The following KIRREL1 variants were observed in gnomAD, a reference collection of about 807,000 sequenced individuals.
KIRREL1 encodes kin of IRRE-like protein 1.
Under a neutral mutation model 83.3 loss-of-function variants are expected in KIRREL1, and 25 were observed. The observed-to-expected ratio is 0.30, with a 90% CI of 0.22 to 0.42. KIRREL1 has a LOEUF of 0.42. Ranked by LOEUF, KIRREL1 falls within the 10% of genes least tolerant of loss-of-function variation. KIRREL1 has a pLI of 1.00. For synonymous variants in KIRREL1, 388 were observed against 410.4 expected (o/e 0.95, Z 0.66); for missense variants, 812 against 1,032.3 (o/e 0.79, Z 2.92).
At chr1:158,077,228 T>C (rs369112070) in intron 2 of KIRREL1, among the ~76,000 whole-genome samples, 12 of 152,300 alleles carry the variant, frequency 7.9e-5, no homozygotes, top group South Asian at 2.1e-4. Flanking sequence ...TTCGTCTGTG[T>C]AGAGCAATCC....
chr1:158,037,938 G>C (rs150461075), intron 1 of KIRREL1, among the ~76,000 whole-genome samples: 1 of 152,170 alleles, frequency 6.6e-6, no homozygotes, highest in Non-Finnish European at 1.5e-5. Context: ...GACTTCCTGC[G>C]ACTCATAACT....
At chr1:158,034,784 G>T in intron 1 of KIRREL1, among the ~76,000 whole-genome samples, 1 of 152,206 alleles carries the variant, frequency 6.6e-6, no homozygotes, top group East Asian at 1.9e-4. Context: ...AGACCCTGGT[G>T]ATCCACAACT....
chr1:158,060,738 T>A (rs78740876), intron 1 of KIRREL1, among the ~76,000 whole-genome samples: 6,076 of 152,166 alleles, frequency 0.04, 405 homozygotes, highest in African/African-American at 0.14. Context: ...GTAGGAAGAG[T>A]CATTTCCATG....
intron 3 of KIRREL1, among the ~76,000 whole-genome samples, chr1:158,084,123 C>T (rs1339484556): frequency 2.0e-5 from 3 of 152,070 alleles, no homozygotes; most frequent in African/African-American, 7.3e-5. Flanking sequence ...GAGTGACACT[C>T]CATCTCAAAA....
At chr1:158,000,571 C>A (rs1026637229) in intron 1 of KIRREL1, among the ~76,000 whole-genome samples, 1 of 152,196 alleles carries the variant, frequency 6.6e-6, no homozygotes, top group Non-Finnish European at 1.5e-5. Flanking sequence ...CTTGGAGCAT[C>A]CAGGATAAAA....
At chr1:158,086,846 C>G in intron 5 of KIRREL1, 100 bp downstream of exon 5, 1 of 1,122,934 alleles carries the variant, frequency 8.9e-7, no homozygotes, top group Non-Finnish European at 1.3e-6. Flanking sequence ...TAAGAGTCCC[C>G]CTATGGTCCC....
intron 3 of KIRREL1, among the ~76,000 whole-genome samples, chr1:158,080,015 T>C (rs1661802502): frequency 6.6e-6 from 1 of 152,174 alleles, no homozygotes; most frequent in African/African-American, 2.4e-5. Context: ...ATGGAAAGAA[T>C]TAGCAAGGAG....
At position 158,078,017 on chromosome 1, in the gene KIRREL1, T is replaced by C; in HGVS notation, c.229T>C (p.Ser77Pro). The C allele has an allele frequency of 6.2e-7, 1 of 1,614,164 alleles. No homozygotes were observed. Among genetic ancestry groups the C allele is most frequent in the Non-Finnish European group, 8.5e-7 (1 of 1,180,016 alleles). The change falls in exon 3 of 15, where the codon TCC (serine) becomes CCC (proline). Residue 77 changes from serine (S) to proline (P), a missense_variant. By Grantham distance (74) the Ser-to-Pro change is moderately conservative. Transcript: ENST00000359209. The stretch of plus-strand genomic sequence containing the variant: ...CTGGCCACGGTACCGGGTTGTGGGC[T>C]CCGCAGACGCTGGGCAGTACAACCT... The part of the protein sequence containing the change: ...KAWPRYRVVG[S>P]ADAGQYNLEI...
chr1:158,059,198 A>G (rs971967745), intron 1 of KIRREL1, among the ~76,000 whole-genome samples: 3 of 152,050 alleles, frequency 2.0e-5, no homozygotes, highest in Non-Finnish European at 2.9e-5. Context: ...GAGTCCTTTC[A>G]CTTACTCCCT....
At chr1:158,075,558 C>G (rs1661654856) in intron 1 of KIRREL1, among the ~76,000 whole-genome samples, 1 of 152,236 alleles carries the variant, frequency 6.6e-6, no homozygotes. Context: ...TTTATAGTAT[C>G]TACCCTGATG....
At chr1:158,028,156 T>G (rs4971179) in intron 1 of KIRREL1, among the ~76,000 whole-genome samples, 125,362 of 152,146 alleles carry the variant, frequency 0.82, 52,738 homozygotes, top group Non-Finnish European at 0.91. Context: ...ATGCCGTCTC[T>G]CTCCACAACT....
At chr1:158,091,306 G>A in intron 10 of KIRREL1, 52 bp from the exon 11 acceptor site, 1 of 1,553,286 alleles carries the variant, frequency 6.4e-7, no homozygotes, top group Non-Finnish European at 8.8e-7. Context: ...CGTGGGCATG[G>A]GCTTCTGCCC....
At chr1:158,069,323 TGTGTGTG>T (rs755009646) in intron 1 of KIRREL1, among the ~76,000 whole-genome samples, 9 of 151,542 alleles carry the variant, frequency 5.9e-5, no homozygotes, top group Non-Finnish European at 4.4e-5. Context: ...TGTGTGTGTG[TGTGTGTG>T]TGTGTGTGTG....
At chr1:158,035,095 A>T (rs1660438372) in intron 1 of KIRREL1, among the ~76,000 whole-genome samples, 2 of 152,036 alleles carry the variant, frequency 1.3e-5, no homozygotes, top group Non-Finnish European at 2.9e-5. Flanking sequence ...TTTATCTTGG[A>T]ATCTGGGAAT....
At chr1:158,015,779 C>T (rs574258590) in intron 1 of KIRREL1, among the ~76,000 whole-genome samples, 10 of 152,272 alleles carry the variant, frequency 6.6e-5, no homozygotes, top group African/African-American at 2.2e-4. Flanking sequence ...CACTTAGGAT[C>T]TTATGGCATA....
intron 1 of KIRREL1, among the ~76,000 whole-genome samples, chr1:158,031,884 G>C (rs147405224): frequency 6.6e-6 from 1 of 152,132 alleles, no homozygotes; most frequent in Admixed American, 6.5e-5. Flanking sequence ...CAAAATTTGA[G>C]ACTAGCCTGG....
intron 1 of KIRREL1, among the ~76,000 whole-genome samples, chr1:158,049,564 T>A (rs1304083896): frequency 2.0e-5 from 3 of 152,004 alleles, no homozygotes; most frequent in Non-Finnish European, 4.4e-5. Context: ...CATTGAAAGG[T>A]TTTTCATAGG....
At chr1:158,047,690 G>T (rs931270461) in intron 1 of KIRREL1, among the ~76,000 whole-genome samples, 13 of 152,152 alleles carry the variant, frequency 8.5e-5, no homozygotes, top group Admixed American at 8.5e-4. Flanking sequence ...TCAGAGCAGT[G>T]AGCCTTGCCT....
intron 1 of KIRREL1, among the ~76,000 whole-genome samples, chr1:158,007,822 C>G (rs2777818): frequency 1 from 151,940 of 152,122 alleles, 75,882 homozygotes; most frequent in Middle Eastern, 1. Context: ...CCTGTGCCCT[C>G]GCTTCTCTCT....
Sources: gnomAD v4.1 joint callset for allele counts (sites outside exome capture counted in the v4.1 genomes callset) on GRCh38, gnomAD v4.1.1 for gene constraint, MANE v1.5 for transcripts, NCBI Gene and HGNC (gene_info 2026-07-23, HGNC 2026-07-21) for gene names.